Variants in ST8SIA6 observed in about 807,000 individuals in gnomAD.
ST8SIA6 encodes ST8 alpha-N-acetyl-neuraminide alpha-2,8-sialyltransferase 6, also known as alpha-2,8-sialyltransferase 8F.
ST8SIA6 carries 39 observed loss-of-function variants against 33.6 expected under a neutral mutation model. The observed-to-expected ratio is 1.16, with a 90% CI of 0.90 to 1.52. The LOEUF (loss-of-function observed/expected upper bound fraction) is 1.52, where lower values mean the gene tolerates loss of function less well. Among genes scored for constraint, ST8SIA6 ranks in the 40% most tolerant of loss-of-function variants. The pLI is 0.00. For synonymous variants in ST8SIA6, 172 were observed against 167.2 expected, an observed-to-expected ratio of 1.03 and a Z score of -0.22; for missense variants, 441 against 443.8, an observed-to-expected ratio of 0.99 and a Z score of 0.06.
chr10:17,419,914 C>G (rs1381732352), intron 2 of ST8SIA6, among the ~76,000 whole-genome samples: 1 of 152,172 alleles, frequency 6.6e-6, no homozygotes. Flanking sequence ...TGCAGTCATG[C>G]TAATTTGAAA....
chr10:17,437,415 T>C (rs1477871898), intron 2 of ST8SIA6, among the ~76,000 whole-genome samples: 1 of 152,192 alleles, frequency 6.6e-6, no homozygotes, highest in Admixed American at 6.5e-5. Flanking sequence ...CAAGAAATCC[T>C]CTTGGCTTGG....
rs568909161 is a variant in ST8SIA6 at position 17,433,846 on chromosome 10, T to G, written c.200+19713A>C. Among the ~76,000 whole-genome samples the G allele has an allele frequency of 3.9e-5, 6 of 152,262 alleles. No individual in the cohort carries two copies. In the South Asian group the frequency reaches 1.0e-3, roughly 26 times the overall value. On this transcript the variant is annotated intron_variant, in intron 2 of 7. Coordinates refer to ENST00000377602, the MANE Select transcript of ST8SIA6 (RefSeq NM_001004470.3). ...GCCCCTTTGTTTTCTAGCCCCCCTA[T>G]CTACTTTTCCAGCCTCACATTCACC... is the stretch of plus-strand genomic sequence containing the variant.
At chr10:17,341,233 C>T (rs1438392314) in intron 4 of ST8SIA6, among the ~76,000 whole-genome samples, 1 of 152,174 alleles carries the variant, frequency 6.6e-6, no homozygotes, top group Non-Finnish European at 1.5e-5. Flanking sequence ...TGTTCAAAAC[C>T]ATGCCTAGTG....
At chr10:17,427,071 T>C (rs1408497670) in intron 2 of ST8SIA6, among the ~76,000 whole-genome samples, 1 of 140,496 alleles carries the variant, frequency 7.1e-6, no homozygotes, top group African/African-American at 2.7e-5. Context: ...ACCACTGCCC[T>C]CCAGCCTGGG....
Position 17,361,723 on chromosome 10 carries a change from A to AAC in ST8SIA6, c.291-2124_291-2123insGT, listed in dbSNP as rs535685813. On this transcript the variant is annotated intron_variant, in intron 3 of 7. Coordinates refer to ENST00000377602, the MANE Select transcript of ST8SIA6 (RefSeq NM_001004470.3). The stretch of plus-strand genomic sequence containing the variant: ...GGAAAAGACATTGGGAAAAAAAAAA[A>AAC]AAAACCGGGCAGGCCAACATTTCTT... Among the ~76,000 whole-genome samples, 68 of 151,908 alleles carry AAC rather than the reference A, an allele frequency of 4.5e-4. No individual in the cohort carries two copies. In the East Asian group the frequency reaches 0.012, roughly 27 times the overall value.
intron 4 of ST8SIA6, among the ~76,000 whole-genome samples, chr10:17,336,452 T>C (rs991617398): frequency 2.0e-5 from 3 of 152,172 alleles, no homozygotes; most frequent in African/African-American, 7.2e-5. Context: ...AAGTAAATTA[T>C]AGATCTGAGT....
chr10:17,391,049 G>A (rs1242188974), intron 2 of ST8SIA6, among the ~76,000 whole-genome samples: 1 of 151,644 alleles, frequency 6.6e-6, no homozygotes, highest in Non-Finnish European at 1.5e-5. Flanking sequence ...GTAGAGACGG[G>A]GTTTCTCCAT....
chr10:17,352,756 T>A (rs907758762), intron 4 of ST8SIA6, among the ~76,000 whole-genome samples: 3 of 152,090 alleles, frequency 2.0e-5, no homozygotes, highest in Non-Finnish European at 4.4e-5. Flanking sequence ...GTTTCTGTTA[T>A]TAAATACGGA....
chr10:17,417,401 G>C (rs918941032), intron 2 of ST8SIA6, among the ~76,000 whole-genome samples: 8 of 151,954 alleles, frequency 5.3e-5, no homozygotes, highest in Non-Finnish European at 1.2e-4. Context: ...CCATGTTTAG[G>C]GCTGCTGTTC....
At chr10:17,379,749 A>G (rs959214289) in intron 3 of ST8SIA6, among the ~76,000 whole-genome samples, 1 of 152,062 alleles carries the variant, frequency 6.6e-6, no homozygotes, top group Non-Finnish European at 1.5e-5. Context: ...AATGTATAAA[A>G]CCAAGCTATG....
At chr10:17,420,189 G>A (rs1412056705) in intron 2 of ST8SIA6, among the ~76,000 whole-genome samples, 1 of 152,192 alleles carries the variant, frequency 6.6e-6, no homozygotes, top group Admixed American at 6.5e-5. Flanking sequence ...CGAGACGGGC[G>A]GATCACGAGG....
chr10:17,414,836 C>G (rs1190633469), intron 2 of ST8SIA6, among the ~76,000 whole-genome samples: 1 of 152,156 alleles, frequency 6.6e-6, no homozygotes, highest in Non-Finnish European at 1.5e-5. Flanking sequence ...GTGGCTTCAA[C>G]ATGAATTTTG....
intron 4 of ST8SIA6, among the ~76,000 whole-genome samples, chr10:17,340,199 G>A (rs148026744): frequency 4.3e-4 from 65 of 152,118 alleles, no homozygotes; most frequent in Middle Eastern, 3.4e-3. Context: ...TCGTCTCCTT[G>A]CCCCTAGTTT....
At chr10:17,429,734 C>T (rs1852046771) in intron 2 of ST8SIA6, among the ~76,000 whole-genome samples, 1 of 152,198 alleles carries the variant, frequency 6.6e-6, no homozygotes, top group South Asian at 2.1e-4. Context: ...ATCTGACCGC[C>T]TCAGCCTCCC....
intron 4 of ST8SIA6, among the ~76,000 whole-genome samples, chr10:17,356,495 C>T (rs1393043593): frequency 6.6e-6 from 1 of 151,706 alleles, no homozygotes; most frequent in East Asian, 1.9e-4. Context: ...GTGATTCTCC[C>T]GCCTCAGTGA....
chr10:17,332,704 C>A (rs552481092), intron 4 of ST8SIA6, among the ~76,000 whole-genome samples: 2 of 152,274 alleles, frequency 1.3e-5, no homozygotes, highest in Non-Finnish European at 2.9e-5. Flanking sequence ...AAGTGATCTG[C>A]CTGCCTCAGC....
chr10:17,451,336 CAT>C (rs774660596), intron 2 of ST8SIA6, among the ~76,000 whole-genome samples: 1 of 152,160 alleles, frequency 6.6e-6, no homozygotes, highest in Non-Finnish European at 1.5e-5. Context: ...TCAAATACCA[CAT>C]GTTCTCATAA....
chr10:17,382,223 G>A (rs1306794306), intron 3 of ST8SIA6, among the ~76,000 whole-genome samples: 2 of 151,524 alleles, frequency 1.3e-5, no homozygotes, highest in African/African-American at 4.9e-5. Context: ...TCATATTTGG[G>A]AATTTTCCAA....
intron 2 of ST8SIA6, among the ~76,000 whole-genome samples, chr10:17,402,127 C>T (rs1337663776): frequency 6.6e-6 from 1 of 152,072 alleles, no homozygotes; most frequent in African/African-American, 2.4e-5. Context: ...AGGATATGAA[C>T]AGACACTTCT....
Sources: gnomAD v4.1 joint callset for allele counts (sites outside exome capture counted in the v4.1 genomes callset) on GRCh38, gnomAD v4.1.1 for gene constraint, MANE v1.5 for transcripts, NCBI Gene and HGNC (gene_info 2026-07-23, HGNC 2026-07-21) for gene names.